Variants in ZNF44 observed in about 807,000 individuals in gnomAD.
The protein encoded by ZNF44 is gonadotropin inducible transcription repressor-2.
A neutral mutation model predicts 11.7 loss-of-function variants in ZNF44; 9 were observed. That is an observed-to-expected ratio of 0.77 (90% CI 0.46 to 1.35). The LOEUF is 1.35. ZNF44 is among the 40% of genes most tolerant of loss of function. The pLI, the probability that ZNF44 is intolerant of heterozygous loss-of-function variation, is 0.00. For missense variants in ZNF44, 696 were observed against 743.1 expected (o/e 0.94, Z 0.74); for synonymous variants, 224 against 242.7 (o/e 0.92, Z 0.72).
At chr19:12,284,989 G>A in intron 1 of ZNF44, 1 of 718,242 alleles carries the variant, frequency 1.4e-6, no homozygotes, top group Non-Finnish European at 2.5e-6. Flanking sequence ...GCCCGGGGCT[G>A]CACTGCCATC....
intron 3 of ZNF44, among the ~76,000 whole-genome samples, chr19:12,230,034 G>T (rs927416358): frequency 6.6e-6 from 1 of 152,190 alleles, no homozygotes; most frequent in Non-Finnish European, 1.5e-5. Context: ...TGCTGTTCTT[G>T]GTTATAAAGT....
At chr19:12,242,690 A>G (rs1474552066), downstream of ZNF44, 2 of 140,340 alleles carry the variant, frequency 1.4e-5, no homozygotes, top group East Asian at 4.3e-4. Context: ...AAAAAAAAAT[A>G]TGATTTAAAA....
At chr19:12,240,519 C>G (rs1332331895), upstream of ZNF44, among the ~76,000 whole-genome samples, 1 of 150,578 alleles carries the variant, frequency 6.6e-6, no homozygotes, top group Non-Finnish European at 1.5e-5. Context: ...CCAAAACAAT[C>G]TTGAAAAAAA....
intron 5 of ZNF44, among the ~76,000 whole-genome samples, chr19:12,258,331 CAAAAAAAAAAAAA>C (rs145891891): frequency 5.1e-4 from 21 of 41,026 alleles, no homozygotes; most frequent in African/African-American, 1.8e-3. Flanking sequence ...GATCTTGTCT[CAAAAAAAAAAAAA>C]AAAAAAAAAA....
chr19:12,247,613 T>A (rs1916808606), downstream of ZNF44: 2 of 1,334,530 alleles, frequency 1.5e-6, no homozygotes, highest in Non-Finnish European at 9.9e-7. Context: ...ATTCATACTG[T>A]TTCTTTGCAG....
Position 12,273,018 on chromosome 19 carries a change from T to C in ZNF44, c.1237A>G (p.Arg413Gly). 1.2e-6 allele frequency: 2 copies of C among 1,614,108 alleles called. No individual in the cohort carries two copies. Among genetic ancestry groups the C allele is most frequent in the South Asian group, 1.1e-5 (1 of 91,076 alleles). Residue 413 changes from arginine (R) to glycine (G), a missense_variant, in exon 4 of 4, where the codon AGG becomes GGG. By Grantham distance (125) the Arg-to-Gly change is moderately radical. Coordinates refer to ENST00000355684, the MANE Select transcript of ZNF44 (RefSeq NM_016264.4). ...TAGGGTTTCTCTCCAGTGTGAGTCC[T>C]TTCATGTCTTTGAAATACACTAGGA... ...DSPSVFQRHE[R>G]THTGEKPYEC...
At chr19:12,258,158 TACAAA>T (rs1289264706) in intron 5 of ZNF44, among the ~76,000 whole-genome samples, 4 of 43,916 alleles carry the variant, frequency 9.1e-5, no homozygotes, top group African/African-American at 3.9e-4. Context: ...ATCTCATCTC[TACAAA>T]AAAAAAAAAA....
chr19:12,262,462 G>A (rs1052458666), intron 5 of ZNF44, among the ~76,000 whole-genome samples: 1 of 151,944 alleles, frequency 6.6e-6, no homozygotes, highest in Non-Finnish European at 1.5e-5. Flanking sequence ...GTAGAGACAG[G>A]GTTTCACTGT....
At chr19:12,243,275 A>C (rs973292461), downstream of ZNF44, among the ~76,000 whole-genome samples, 1 of 152,230 alleles carries the variant, frequency 6.6e-6, no homozygotes, top group Admixed American at 6.5e-5. Flanking sequence ...CCCATGCTGT[A>C]CATTAAATCT....
chr19:12,242,485 G>C (rs1261437726), upstream of ZNF44, among the ~76,000 whole-genome samples: 2 of 150,300 alleles, frequency 1.3e-5, no homozygotes, highest in Non-Finnish European at 3.0e-5. Context: ...ACTCCAGCCT[G>C]GGTGACAGAG....
intron 1 of ZNF44, among the ~76,000 whole-genome samples, chr19:12,281,350 A>G (rs548202042): frequency 2.4e-4 from 36 of 152,346 alleles, no homozygotes; most frequent in African/African-American, 8.7e-4. Flanking sequence ...TTCAAGGAGA[A>G]TTGTCAAGCA....
chr19:12,240,640 A>G (rs116396496), upstream of ZNF44, among the ~76,000 whole-genome samples: 698 of 152,196 alleles, frequency 4.6e-3, 3 homozygotes, highest in African/African-American at 0.016. Context: ...TAGAAAGAAA[A>G]TGCTTGCATA....
At chr19:12,274,232 C>G (rs1458817357) in intron 3 of ZNF44, among the ~76,000 whole-genome samples, 169 bp from the exon 4 acceptor site, 3 of 147,378 alleles carry the variant, frequency 2.0e-5, no homozygotes, top group Admixed American at 2.0e-4. Flanking sequence ...CAGCTATTTT[C>G]AAGACAATGA....
Position 12,278,264 on chromosome 19 carries a change from T to C in ZNF44, c.4-2182A>G, listed in dbSNP as rs117597563. Among the ~76,000 whole-genome samples the C allele has an allele frequency of 2.0e-5, 3 of 152,360 alleles. No homozygotes were observed. The East Asian group carries it at 5.8e-4, about 29-fold the overall frequency. ...CAGATAACTAGCCAGAGCCCTTCCC[T>C]TTGTTTCCCGTAAGGAAGGCTTTTA... On this transcript the variant is annotated intron_variant, in intron 1 of 3. Coordinates refer to ENST00000355684, the MANE Select transcript of ZNF44 (RefSeq NM_016264.4).
chr19:12,282,307 G>T (rs1025169794), intron 1 of ZNF44, among the ~76,000 whole-genome samples: 3 of 152,040 alleles, frequency 2.0e-5, no homozygotes, highest in African/African-American at 7.2e-5. Context: ...AAGTCTACAG[G>T]AATCAGGTCA....
downstream of ZNF44, among the ~76,000 whole-genome samples, chr19:12,268,181 CAA>C (rs1491433398): frequency 2.8e-5 from 4 of 140,534 alleles, no homozygotes; most frequent in Admixed American, 1.4e-4. Context: ...CACACACACA[CAA>C]GCTCCTTCCC....
At chr19:12,230,305 GGA>G (rs778225835) in intron 3 of ZNF44, among the ~76,000 whole-genome samples, 1 of 152,176 alleles carries the variant, frequency 6.6e-6, no homozygotes, top group Non-Finnish European at 1.5e-5. Context: ...ACAGAGACCT[GGA>G]GTTCTCTTTC....
upstream of ZNF44, among the ~76,000 whole-genome samples, chr19:12,239,413 CTTTT>C (rs34726133): frequency 2.2e-4 from 25 of 113,876 alleles, no homozygotes; most frequent in African/African-American, 6.4e-4. Context: ...TGCACCTGGC[CTTTT>C]TTTTTTTTTT....
chr19:12,273,207 C>A lies in ZNF44; in HGVS notation c.1048G>T (p.Gly350Cys), dbSNP rs1017752791. 1.2e-6 allele frequency: 2 copies of A among 1,613,760 alleles called. No individual in the cohort carries two copies. Among genetic ancestry groups the A allele is most frequent in the Admixed American group, 3.3e-5 (2 of 59,994 alleles). ...GTTCCTTCATGAATTCGTGCTGAAC[C>A]AGGAAAATCAAAGCCTTTCCCACAT... The part of the protein sequence containing the change: ...KICGKGFDFP[G>C]SARIHEGTHT... Residue 350 changes from glycine (G) to cysteine (C), a missense_variant, in exon 4 of 4, where the codon GGT (glycine) becomes TGT (cysteine). Transcript: ENST00000355684.
Sources: gnomAD v4.1 joint callset for allele counts (sites outside exome capture counted in the v4.1 genomes callset) on GRCh38, gnomAD v4.1.1 for gene constraint, MANE v1.5 for transcripts, NCBI Gene and HGNC (gene_info 2026-07-23, HGNC 2026-07-21) for gene names.